SYT9: variants seen among roughly 807,000 people sequenced by gnomAD.
SYT9 encodes synaptotagmin 9.
SYT9 carries 22 observed loss-of-function variants against 48.4 expected under a neutral mutation model. The ratio of observed to expected loss-of-function variants is 0.45; its 90% CI spans 0.32 to 0.65. The LOEUF (loss-of-function observed/expected upper bound fraction) is 0.65. Ranked by LOEUF, SYT9 falls within the 30% of genes least tolerant of loss-of-function variation. SYT9 has a pLI of 0.03. For synonymous variants in SYT9, 265 were observed against 245.0 expected, an observed-to-expected ratio of 1.08 and a Z score of -0.76; for missense variants, 577 against 622.0, an observed-to-expected ratio of 0.93 and a Z score of 0.77.
At chr11:7,290,723 G>A (rs988711896) in intron 1 of SYT9, among the ~76,000 whole-genome samples, 1 of 152,094 alleles carries the variant, frequency 6.6e-6, no homozygotes, top group African/African-American at 2.4e-5. Context: ...TAAGTTGTAG[G>A]AGACACTTTA....
chr11:7,391,735 TAAAAAAAAAAAAAAA>T (rs71059104), intron 3 of SYT9, among the ~76,000 whole-genome samples: 1 of 35,940 alleles, frequency 2.8e-5, no homozygotes, highest in Non-Finnish European at 5.0e-5. Context: ...ACCCCATCTC[TAAAAAAAAAAAAAAA>T]AAAAAAAAAA....
At chr11:7,266,808 C>T (rs909367540) in intron 1 of SYT9, among the ~76,000 whole-genome samples, 4 of 151,760 alleles carry the variant, frequency 2.6e-5, no homozygotes, top group Admixed American at 1.3e-4. Flanking sequence ...CAGATTTGAC[C>T]CAGGGAAACT....
At chr11:7,460,277 A>C (rs1428380464) in intron 6 of SYT9, among the ~76,000 whole-genome samples, 5 of 152,220 alleles carry the variant, frequency 3.3e-5, no homozygotes, top group Non-Finnish European at 7.3e-5. Flanking sequence ...TTGACAGATT[A>C]AATTTTCCTA....
intron 6 of SYT9, among the ~76,000 whole-genome samples, chr11:7,453,491 A>C (rs545947385): frequency 6.4e-4 from 98 of 152,310 alleles, no homozygotes; most frequent in African/African-American, 2.2e-3. Flanking sequence ...TGAGCAAGGC[A>C]GTGAGTGGGG....
At chr11:7,244,293 T>A (rs1847770377) in intron 1 of SYT9, among the ~76,000 whole-genome samples, 2 of 152,198 alleles carry the variant, frequency 1.3e-5, no homozygotes, top group South Asian at 2.1e-4. Flanking sequence ...GAGAGAGGAA[T>A]ACAGATTTTG....
chr11:7,436,162 C>G (rs542133218), intron 6 of SYT9, among the ~76,000 whole-genome samples: 19 of 152,318 alleles, frequency 1.2e-4, no homozygotes, highest in African/African-American at 4.1e-4. Flanking sequence ...CATCACTATC[C>G]ACTCCATGCT....
At chr11:7,332,390 C>T (rs1444320548) in intron 3 of SYT9, among the ~76,000 whole-genome samples, 1 of 152,222 alleles carries the variant, frequency 6.6e-6, no homozygotes, top group Non-Finnish European at 1.5e-5. Context: ...ATGAACTGTT[C>T]GCAGCCAATG....
intron 3 of SYT9, among the ~76,000 whole-genome samples, chr11:7,322,262 C>A (rs184507008): frequency 7.9e-5 from 12 of 152,284 alleles, no homozygotes; most frequent in Admixed American, 4.6e-4. Context: ...TTATAGGAGC[C>A]AGCTCCAGGA....
intron 3 of SYT9, among the ~76,000 whole-genome samples, chr11:7,397,449 A>G (rs1428034491): frequency 6.6e-6 from 1 of 152,144 alleles, no homozygotes; most frequent in Non-Finnish European, 1.5e-5. Flanking sequence ...CTCATAATCC[A>G]GTAGTGTTAA....
intron 1 of SYT9, among the ~76,000 whole-genome samples, chr11:7,260,064 G>C (rs553683302): frequency 3.3e-5 from 5 of 152,088 alleles, no homozygotes; most frequent in Non-Finnish European, 7.4e-5. Context: ...ACGTTGAATT[G>C]ATCAATCTTT....
At chr11:7,318,225 C>T (rs2346811) in intron 3 of SYT9, among the ~76,000 whole-genome samples, 70,183 of 151,544 alleles carry the variant, frequency 0.46, 16,925 homozygotes, top group East Asian at 0.91. Context: ...ATGTTATCTT[C>T]TCTAAAATTT....
chr11:7,267,688 G>A (rs1157950636), intron 1 of SYT9, among the ~76,000 whole-genome samples: 1 of 150,882 alleles, frequency 6.6e-6, no homozygotes, highest in Non-Finnish European at 1.5e-5. Flanking sequence ...GAAAGGTAAA[G>A]CAAATCAAAA....
intron 1 of SYT9, among the ~76,000 whole-genome samples, chr11:7,278,793 G>A (rs954683654): frequency 2.6e-5 from 4 of 152,198 alleles, no homozygotes; most frequent in African/African-American, 7.2e-5. Flanking sequence ...AGAAGAAGGG[G>A]AGACTGCGTT....
intron 1 of SYT9, among the ~76,000 whole-genome samples, chr11:7,279,121 A>T (rs1247021130): frequency 1.3e-5 from 2 of 152,162 alleles, no homozygotes; most frequent in Non-Finnish European, 2.9e-5. Context: ...CCCAGTTCTC[A>T]ACAGTGGAGG....
intron 1 of SYT9, among the ~76,000 whole-genome samples, chr11:7,264,944 T>A (rs1380845894): frequency 6.6e-6 from 1 of 152,104 alleles, no homozygotes; most frequent in East Asian, 1.9e-4. Flanking sequence ...GGTGTAGTGG[T>A]GTGTTCAGAC....
In SYT9 at chr11:7,446,701, G is replaced by C. The variant is rs1847938778; in HGVS notation, c.1468-20091G>C. Among the ~76,000 whole-genome samples, 2 of 152,330 alleles carry C rather than the reference G, an allele frequency of 1.3e-5. 1 individual carries two copies. The highest frequency in any genetic ancestry group is 6.8e-3 in the Middle Eastern group (2 of 294). Reference sequence around the variant, plus strand: ...GATTCCCTCAAGGGGAAGCAGGAGGGGATGCCCACAAGCTCCCTCTCCAGA... The same window carrying C: ...GATTCCCTCAAGGGGAAGCAGGAGGCGATGCCCACAAGCTCCCTCTCCAGA... On this transcript the variant is annotated intron_variant, in intron 6 of 6. Coordinates refer to ENST00000318881, the MANE Select transcript of SYT9 (RefSeq NM_175733.4).
chr11:7,287,559 G>A (rs963517722), intron 1 of SYT9, among the ~76,000 whole-genome samples: 2 of 152,154 alleles, frequency 1.3e-5, no homozygotes, highest in African/African-American at 4.8e-5. Context: ...CACCCACACT[G>A]GTTTCTCAGC....
upstream of SYT9, among the ~76,000 whole-genome samples, chr11:7,248,423 T>A (rs1847820628): frequency 6.6e-6 from 1 of 152,036 alleles, no homozygotes; most frequent in African/African-American, 2.4e-5. Context: ...TCTAGAAGAG[T>A]TTTTACAATG....
intron 3 of SYT9, among the ~76,000 whole-genome samples, chr11:7,382,798 T>C (rs1222686262): frequency 6.6e-6 from 1 of 152,180 alleles, no homozygotes; most frequent in Admixed American, 6.5e-5. Flanking sequence ...CCTAGGTAAT[T>C]AGACCTGGAA....
Sources: gnomAD v4.1 joint callset for allele counts (sites outside exome capture counted in the v4.1 genomes callset) on GRCh38, gnomAD v4.1.1 for gene constraint, MANE v1.5 for transcripts, NCBI Gene and HGNC (gene_info 2026-07-23, HGNC 2026-07-21) for gene names.